SLC14A2: variants seen among roughly 807,000 people sequenced by gnomAD.
SLC14A2 encodes the protein solute carrier family 14 member 2.
SLC14A2 carries 91 observed loss-of-function variants against 104.6 expected under a neutral mutation model. The observed-to-expected ratio is 0.87, with a 90% CI of 0.73 to 1.04. SLC14A2 has a LOEUF of 1.04. Ranked by LOEUF, SLC14A2 falls within the 50% of genes least tolerant of loss-of-function variation. The pLI, the probability that SLC14A2 is intolerant of heterozygous loss-of-function variation, is 0.00. For synonymous variants in SLC14A2, 476 were observed against 466.4 expected, an observed-to-expected ratio of 1.02 and a Z score of -0.27; for missense variants, 1,189 against 1,156.0, an observed-to-expected ratio of 1.03 and a Z score of -0.41.
At chr18:45,404,600 T>C (rs1008224021) in intron 1 of SLC14A2, among the ~76,000 whole-genome samples, 2 of 152,212 alleles carry the variant, frequency 1.3e-5, no homozygotes, top group Non-Finnish European at 2.9e-5. Flanking sequence ...CCAAGGCACA[T>C]ACCCCCATCG....
intron 2 of SLC14A2, among the ~76,000 whole-genome samples, 183 bp from the exon 3 acceptor site, chr18:45,625,500 G>A (rs2045242877): frequency 6.6e-6 from 1 of 152,128 alleles, no homozygotes; most frequent in Non-Finnish European, 1.5e-5. Flanking sequence ...GAAGGTGCAT[G>A]GTCCTGGGAA....
At chr18:45,410,317 A>C (rs771699801) in intron 1 of SLC14A2, among the ~76,000 whole-genome samples, 10 of 152,096 alleles carry the variant, frequency 6.6e-5, no homozygotes, top group Non-Finnish European at 2.9e-5. Context: ...GTTCTAGATA[A>C]CTTGTTTTAC....
At chr18:45,203,971 C>T in the SLC14A2 span, among the ~76,000 whole-genome samples, 6 of 152,114 alleles carry the variant, frequency 3.9e-5, no homozygotes, top group Admixed American at 1.3e-4. Context: ...GTCAGTTTTA[C>T]GGAGCTTGAA....
At chr18:45,453,847 G>GTTTTT (rs56084837) in intron 1 of SLC14A2, among the ~76,000 whole-genome samples, 3 of 91,346 alleles carry the variant, frequency 3.3e-5, no homozygotes, top group African/African-American at 4.3e-5. Flanking sequence ...TTTCTTTTCT[G>GTTTTT]TTTTTTTTTT....
intron 11 of SLC14A2, 140 bp downstream of exon 11, chr18:45,664,047 C>A: frequency 2.4e-6 from 2 of 850,068 alleles, no homozygotes; most frequent in Non-Finnish European, 3.5e-6. Flanking sequence ...TGACGTCTGA[C>A]CAAGGCCACA....
rs114234882 is a variant in SLC14A2 at position 45,251,450 on chromosome 18, C to A, written c.-125+38259C>A. On this transcript the variant is annotated intron_variant, in intron 1 of 20. Transcript: ENST00000586448. ...TGGTCAGAAAAGTACTCTTCTCCTG[C>A]ACATGCATCATGATTCACAACCTCG... 2.4e-3 allele frequency among the ~76,000 whole-genome samples: 363 copies of A among 152,326 alleles called. 3 individuals carry two copies. Among genetic ancestry groups the A allele is most frequent in the African/African-American group, 8.3e-3 (345 of 41,570 alleles).
At chr18:45,510,496 A>G (rs2043350608) in intron 2 of SLC14A2, among the ~76,000 whole-genome samples, 1 of 152,088 alleles carries the variant, frequency 6.6e-6, no homozygotes, top group Admixed American at 6.5e-5. Context: ...CCACCAGTGG[A>G]GTGGTGCCCA....
At chr18:45,531,818 G>T (rs1302730668) in intron 2 of SLC14A2, among the ~76,000 whole-genome samples, 4 of 152,074 alleles carry the variant, frequency 2.6e-5, no homozygotes, top group Admixed American at 2.6e-4. Context: ...TTCTTCTAGG[G>T]TTTTTATGGT....
At chr18:45,318,943 T>G (rs1398653976) in intron 1 of SLC14A2, among the ~76,000 whole-genome samples, 1 of 152,072 alleles carries the variant, frequency 6.6e-6, no homozygotes, top group African/African-American at 2.4e-5. Context: ...GATGAGGACA[T>G]TGTCAAAGGG....
At chr18:45,561,916 A>G (rs1477011590) in intron 2 of SLC14A2, among the ~76,000 whole-genome samples, 1 of 136,280 alleles carries the variant, frequency 7.3e-6, no homozygotes. Flanking sequence ...CATTTTCTTT[A>G]TTTAACTGCT....
chr18:45,624,096 A>G lies in SLC14A2; in HGVS notation c.-34-535A>G, dbSNP rs918812911. 2.6e-5 allele frequency among the ~76,000 whole-genome samples: 4 copies of G among 152,202 alleles called. No homozygotes were observed. The South Asian group carries it at 8.3e-4, about 32-fold the overall frequency. ...TGGGATGCACACAGCTCATGGAAGA[A>G]TAGACCAGTGCTTCCTACTGTTCCT... On this transcript the variant is annotated intron_variant, in intron 1 of 19. Transcript: ENST00000255226.
chr18:45,414,757 A>AAATAT (rs1360051908), intron 1 of SLC14A2, among the ~76,000 whole-genome samples: 5 of 76,110 alleles, frequency 6.6e-5, no homozygotes, highest in East Asian at 3.8e-4. Context: ...AAAAAAAAAA[A>AAATAT]ATATATATAT....
intron 1 of SLC14A2, among the ~76,000 whole-genome samples, chr18:45,371,870 C>T (rs189648583): frequency 6.6e-6 from 1 of 152,172 alleles, no homozygotes; most frequent in East Asian, 1.9e-4. Flanking sequence ...AGTATGTGTA[C>T]CAGGATAAGG....
chr18:45,525,624 T>G (rs2043584969), intron 2 of SLC14A2, among the ~76,000 whole-genome samples: 1 of 152,234 alleles, frequency 6.6e-6, no homozygotes, highest in Non-Finnish European at 1.5e-5. Flanking sequence ...GATTTCAAAA[T>G]GCTCACAAAC....
upstream of SLC14A2, among the ~76,000 whole-genome samples, chr18:45,613,020 C>G (rs1026382546): frequency 1.9e-5 from 2 of 104,308 alleles, no homozygotes; most frequent in African/African-American, 8.2e-5. Context: ...ATAAATTACC[C>G]AGTCTTTGGC....
chr18:45,203,520 A>C, the SLC14A2 span, among the ~76,000 whole-genome samples: 1 of 152,230 alleles, frequency 6.6e-6, no homozygotes. Context: ...CTACCGAAAT[A>C]AAAATACAAC....
intron 1 of SLC14A2, among the ~76,000 whole-genome samples, chr18:45,421,280 C>A (rs1182732269): frequency 2.6e-5 from 4 of 151,216 alleles, no homozygotes; most frequent in African/African-American, 7.3e-5. Context: ...AATCAATTTC[C>A]CATTTACTGG....
At chr18:45,619,523 T>C (rs1161355122) in intron 1 of SLC14A2, among the ~76,000 whole-genome samples, 4 of 152,206 alleles carry the variant, frequency 2.6e-5, no homozygotes, top group Admixed American at 2.6e-4. Context: ...GGCCTGGTTT[T>C]TGGAGAGACG....
chr18:45,430,447 G>A (rs971795373), intron 1 of SLC14A2, among the ~76,000 whole-genome samples: 4 of 152,182 alleles, frequency 2.6e-5, no homozygotes, highest in African/African-American at 9.7e-5. Flanking sequence ...GAGGGATCTT[G>A]TAATAACTCA....
Sources: allele counts gnomAD v4.1 joint callset (sites outside exome capture counted in the v4.1 genomes callset), GRCh38; gene constraint gnomAD v4.1.1; transcripts MANE v1.5; gene names NCBI Gene and HGNC (gene_info 2026-07-23, HGNC 2026-07-21).